The following FAM107B variants were observed in gnomAD, a reference collection of about 807,000 sequenced individuals.
The protein encoded by FAM107B is family with sequence similarity 107 member B.
A neutral mutation model predicts 31.5 loss-of-function variants in FAM107B; 21 were observed. The observed-to-expected ratio is 0.67, with a 90% CI of 0.47 to 0.96. The LOEUF (loss-of-function observed/expected upper bound fraction) is 0.96. FAM107B is among the 40% of genes least tolerant of loss of function. The probability of loss-of-function intolerance (pLI) is 0.00; values close to 1 mark genes in which losing one functional copy is unlikely to be tolerated. For synonymous variants in FAM107B, 157 were observed against 141.5 expected (o/e 1.11, Z -0.78); for missense variants, 452 against 377.1 (o/e 1.20, Z -1.64).
At chr10:14,623,286 A>G (rs1853063627) in intron 2 of FAM107B, among the ~76,000 whole-genome samples, 2 of 152,256 alleles carry the variant, frequency 1.3e-5, no homozygotes, top group South Asian at 4.1e-4. Context: ...ACACAGAAGT[A>G]GGTGGAGGAC....
chr10:14,582,669 A>ATGGG (rs1851680851), intron 2 of FAM107B, among the ~76,000 whole-genome samples: 1 of 151,150 alleles, frequency 6.6e-6, no homozygotes, highest in Non-Finnish European at 1.5e-5. Flanking sequence ...GAGCCACCAC[A>ATGGG]CCCAGCCTAC....
At chr10:14,755,323 C>T (rs796726704) in intron 1 of FAM107B, among the ~76,000 whole-genome samples, 16 of 152,088 alleles carry the variant, frequency 1.1e-4, no homozygotes, top group African/African-American at 3.4e-4. Context: ...AGATTCCCCA[C>T]CTGAGGTCAG....
At chr10:14,534,079 C>T (rs1847345057) in intron 2 of FAM107B, among the ~76,000 whole-genome samples, 1 of 152,108 alleles carries the variant, frequency 6.6e-6, no homozygotes, top group Non-Finnish European at 1.5e-5. Context: ...AAACATCTTC[C>T]TTCTTTTTCA....
chr10:14,530,604 T>C (rs1470903221), intron 2 of FAM107B, 89 bp from the exon 3 acceptor site: 3 of 1,180,876 alleles, frequency 2.5e-6, no homozygotes, highest in African/African-American at 1.5e-5. Flanking sequence ...GTGCTCAGTA[T>C]GCTAACACAT....
chr10:14,730,670 A>C (rs1856152785), intron 1 of FAM107B, among the ~76,000 whole-genome samples: 1 of 152,196 alleles, frequency 6.6e-6, no homozygotes, highest in Non-Finnish European at 1.5e-5. Context: ...ACAGGGCAGG[A>C]ATGGATTATA....
intron 1 of FAM107B, among the ~76,000 whole-genome samples, chr10:14,719,674 G>C (rs1855865827): frequency 6.6e-6 from 1 of 152,174 alleles, no homozygotes; most frequent in East Asian, 1.9e-4. Context: ...AAAAGCCAGG[G>C]TATTTATGTT....
intron 1 of FAM107B, among the ~76,000 whole-genome samples, chr10:14,714,739 T>C (rs961267508): frequency 6.6e-6 from 1 of 152,176 alleles, no homozygotes; most frequent in Admixed American, 6.5e-5. Flanking sequence ...ATGACTTCAC[T>C]TGGAAAAAAC....
At chr10:14,616,541 G>A (rs897373425) in intron 2 of FAM107B, among the ~76,000 whole-genome samples, 1 of 152,194 alleles carries the variant, frequency 6.6e-6, no homozygotes, top group Non-Finnish European at 1.5e-5. Flanking sequence ...GTATATTATT[G>A]GCAATTTTGT....
In FAM107B at chr10:14,530,478, A is replaced by G. The variant is rs747792525; in HGVS notation, c.507T>C (p.Tyr169=). The change falls in exon 3 of 5, where the codon TAT becomes TAC. Residue 169 remains tyrosine, a synonymous_variant. Transcript: ENST00000181796. The stretch of plus-strand genomic sequence containing the variant: ...CGGCCATGATGCTTCTTGTAATGAG[A>G]TATGAGTCCTTATGGTCAATATCCT... ...PPEDIDHKDS[Y]LITRSIMAEP... The G allele has an allele frequency of 1.9e-6, 3 of 1,613,952 alleles. No individual in the cohort carries two copies. The highest frequency in any genetic ancestry group is 2.5e-6 in the Non-Finnish European group (3 of 1,179,994).
At chr10:14,751,216 A>G (rs1026822417) in intron 1 of FAM107B, among the ~76,000 whole-genome samples, 2 of 152,202 alleles carry the variant, frequency 1.3e-5, no homozygotes, top group Admixed American at 1.3e-4. Context: ...CAGCCTCCCC[A>G]AGGAGGATGC....
In FAM107B at chr10:14,572,227, A is replaced by G. The variant is rs1203339911; in HGVS notation, c.470-41712T>C. Reference sequence around the variant, plus strand: ...GTACCAACTCTGGTACCAGTTACTGACCTTCCAGACCAAGAGAACGTGCTG... The same window carrying G: ...GTACCAACTCTGGTACCAGTTACTGGCCTTCCAGACCAAGAGAACGTGCTG... On this transcript the variant is annotated intron_variant, in intron 2 of 4. Transcript: ENST00000181796. The G allele has an allele frequency of 4.1e-6, 4 of 985,348 alleles. No homozygotes were observed. The East Asian group carries it at 4.5e-4, about 112-fold the overall frequency. 61.0% of individuals were successfully genotyped at this position (985,348 alleles called of 1,614,324 possible).
chr10:14,660,881 AT>A (rs1423330604), intron 2 of FAM107B, among the ~76,000 whole-genome samples: 1 of 152,152 alleles, frequency 6.6e-6, no homozygotes, highest in East Asian at 1.9e-4. Context: ...TGAGGTTTGG[AT>A]TTGTGTCCTT....
chr10:14,736,426 TAAGGG>T (rs1856300908), intron 1 of FAM107B, among the ~76,000 whole-genome samples: 1 of 152,210 alleles, frequency 6.6e-6, no homozygotes, highest in African/African-American at 2.4e-5. Context: ...CGCCTCAATC[TAAGGG>T]ACAAGCCAAA....
rs1365301535 is a variant in FAM107B at position 14,520,931 on chromosome 10, T to A, written c.*259A>T. 1 of 371,550 alleles carries A rather than the reference T, an allele frequency of 2.7e-6. No individual in the cohort carries two copies. Among genetic ancestry groups the A allele is most frequent in the Non-Finnish European group, 4.8e-6 (1 of 209,544 alleles). The allele number at this position is 371,550 out of a possible 1,614,324, so 23.0% of individuals were successfully genotyped here. A position where few individuals can be genotyped will look rare whatever the true frequency, so the allele number is the denominator to read the frequency against. On this transcript the variant is annotated 3_prime_UTR_variant, in exon 5 of 5. Coordinates refer to ENST00000181796, the MANE Select transcript of FAM107B (RefSeq NM_031453.4). Reference sequence around the variant, plus strand: ...TTCCTGTTCTCACTTGTTTTGCTTGTTGGTTCTGTTAAGTCTCTGAACACA... The same window carrying A: ...TTCCTGTTCTCACTTGTTTTGCTTGATGGTTCTGTTAAGTCTCTGAACACA...
intron 1 of FAM107B, among the ~76,000 whole-genome samples, chr10:14,742,646 G>A (rs1271467993): frequency 6.6e-6 from 1 of 152,110 alleles, no homozygotes; most frequent in Non-Finnish European, 1.5e-5. Flanking sequence ...GAGTGACAGT[G>A]GATTGCATGC....
At position 14,632,380 on chromosome 10, in the gene FAM107B, G is replaced by A. The variant is rs182509715; in HGVS notation, c.469+35254C>T. ...TAATCCCAGCACTTTGGGAGGCCAA[G>A]GTGGGCAGATCATGAGGTCAGGAGA... On this transcript the variant is annotated intron_variant, in intron 2 of 4. Transcript: ENST00000181796. Among the ~76,000 whole-genome samples the A allele has an allele frequency of 2.6e-3, 398 of 151,024 alleles. 3 individuals are homozygous for A. The highest frequency in any genetic ancestry group is 4.8e-3 in the Non-Finnish European group (326 of 67,856).
At chr10:14,764,984 AT>A (rs1488218292) in intron 1 of FAM107B, among the ~76,000 whole-genome samples, 31 of 152,142 alleles carry the variant, frequency 2.0e-4, no homozygotes, top group African/African-American at 6.5e-4. Flanking sequence ...CTGAACTTGC[AT>A]TTTCTACCTG....
At chr10:14,658,091 C>T (rs1384888865) in intron 2 of FAM107B, among the ~76,000 whole-genome samples, 5 of 152,110 alleles carry the variant, frequency 3.3e-5, no homozygotes, top group Admixed American at 2.6e-4. Flanking sequence ...GGATTACAGG[C>T]GTAATTAGCA....
intron 2 of FAM107B, among the ~76,000 whole-genome samples, chr10:14,605,127 A>C (rs1852555968): frequency 6.6e-6 from 1 of 152,190 alleles, no homozygotes; most frequent in Non-Finnish European, 1.5e-5. Flanking sequence ...AATTGTACAA[A>C]TTTACGGTCA....
Sources: gnomAD v4.1 joint callset for allele counts (sites outside exome capture counted in the v4.1 genomes callset) on GRCh38, gnomAD v4.1.1 for gene constraint, MANE v1.5 for transcripts, NCBI Gene and HGNC (gene_info 2026-07-23, HGNC 2026-07-21) for gene names.